The following RNF141 variants were observed in gnomAD, a reference collection of about 807,000 sequenced individuals.
RNF141 encodes C3HC4-like zinc finger protein.
In RNF141, 18 loss-of-function variants were observed where a neutral mutation model predicts 27.4. The ratio of observed to expected loss-of-function variants is 0.66; its 90% CI spans 0.45 to 0.97. RNF141 has a LOEUF of 0.97. Ranked by LOEUF, RNF141 falls within the 50% of genes least tolerant of loss-of-function variation. The probability of loss-of-function intolerance (pLI) is 0.00; values close to 1 mark genes in which losing one functional copy is unlikely to be tolerated. For missense variants in RNF141, 230 were observed against 279.4 expected, an observed-to-expected ratio of 0.82 and a Z score of 1.26; for synonymous variants, 97 against 96.6, an observed-to-expected ratio of 1.00 and a Z score of -0.02.
At chr11:10,533,283 T>C (rs1459468972) in intron 2 of RNF141, among the ~76,000 whole-genome samples, 2 of 152,168 alleles carry the variant, frequency 1.3e-5, no homozygotes, top group Non-Finnish European at 2.9e-5. Context: ...TATATTTTCA[T>C]AGCTTCTACA....
At chr11:10,516,510 C>T (rs1849844194) in intron 5 of RNF141, 1 of 152,234 alleles carries the variant, frequency 6.6e-6, no homozygotes, top group Admixed American at 6.5e-5. Context: ...CTTGGGGGGC[C>T]AAACAGCTAG....
chr11:10,525,599 T>G (rs931968899), intron 3 of RNF141, among the ~76,000 whole-genome samples: 4 of 152,168 alleles, frequency 2.6e-5, no homozygotes, highest in African/African-American at 4.8e-5. Context: ...ACACACAAAA[T>G]CACCCTGTAA....
intron 4 of RNF141, 66 bp from the exon 5 acceptor site, chr11:10,519,207 C>T: frequency 1.4e-6 from 2 of 1,414,314 alleles, no homozygotes; most frequent in Non-Finnish European, 9.8e-7. Context: ...CTTTTTGTTG[C>T]TTTAAAAAGC....
At chr11:10,527,313 A>C (rs1849944231) in intron 3 of RNF141, among the ~76,000 whole-genome samples, 1 of 152,230 alleles carries the variant, frequency 6.6e-6, no homozygotes, top group African/African-American at 2.4e-5. Context: ...GGAGAAGATG[A>C]AACAGGGGAG....
At chr11:10,532,585 G>A (rs1461073811) in intron 2 of RNF141, among the ~76,000 whole-genome samples, 3 of 151,068 alleles carry the variant, frequency 2.0e-5, no homozygotes, top group African/African-American at 7.3e-5. Flanking sequence ...TTGTTTTAAT[G>A]AATGAAATCC....
intron 1 of RNF141, among the ~76,000 whole-genome samples, chr11:10,535,972 C>A (rs1850031344): frequency 6.6e-6 from 1 of 152,130 alleles, no homozygotes; most frequent in South Asian, 2.1e-4. Flanking sequence ...GTGCCTGGTG[C>A]TTATGTTCTG....
intron 4 of RNF141, among the ~76,000 whole-genome samples, chr11:10,521,870 G>C (rs1397992062): frequency 6.6e-6 from 1 of 152,196 alleles, no homozygotes; most frequent in Non-Finnish European, 1.5e-5. Flanking sequence ...ATAAAGTGGA[G>C]ATAATCTCAT....
At chr11:10,522,244 A>T (rs1849893510) in intron 4 of RNF141, among the ~76,000 whole-genome samples, 1 of 152,246 alleles carries the variant, frequency 6.6e-6, no homozygotes, top group African/African-American at 2.4e-5. Flanking sequence ...AGAGAATATA[A>T]CTGAATCTGT....
At position 10,514,896 on chromosome 11, in the gene RNF141, A is replaced by C. The variant is rs1849831351; in HGVS notation, c.*20T>G. 1 of 1,596,348 alleles carries C rather than the reference A, an allele frequency of 6.3e-7. No homozygotes were observed. The highest frequency in any genetic ancestry group is 1.7e-5 in the Admixed American group (1 of 57,354). ...AAATATTTGAGCCCACAATAGCAAC[A>C]GAAGACTTTCACTTCAAGGTCATGG... On this transcript the variant is annotated 3_prime_UTR_variant, in exon 6 of 6. Transcript: ENST00000265981.
intron 5 of RNF141, chr11:10,516,201 C>A (rs1214220172): frequency 6.6e-6 from 1 of 152,206 alleles, no homozygotes; most frequent in Non-Finnish European, 1.5e-5. Flanking sequence ...TATATGTATG[C>A]TCTTCTGTGC....
At position 10,512,767 on chromosome 11, in the gene RNF141, T is replaced by A. The variant is rs781425424; in HGVS notation, c.*2149A>T. Reference sequence around the variant, plus strand: ...ATTTGACTTGAATTTAATTAAAAAATTTTTTTAAAAAAAACGACTCCCACT... The same window carrying A: ...ATTTGACTTGAATTTAATTAAAAAAATTTTTTAAAAAAAACGACTCCCACT... On this transcript the variant is annotated 3_prime_UTR_variant, in exon 6 of 6. Coordinates refer to ENST00000265981, the MANE Select transcript of RNF141 (RefSeq NM_016422.4). The A allele has an allele frequency of 2.1e-4, 32 of 152,108 alleles. No individual in the cohort carries two copies. Among genetic ancestry groups the A allele is most frequent in the Middle Eastern group, 3.4e-3 (1 of 294 alleles). The allele number at this position is 152,108 out of a possible 1,614,324, so 9.4% of individuals were successfully genotyped here.
chr11:10,535,380 G>T (rs1850025255), intron 1 of RNF141, among the ~76,000 whole-genome samples: 1 of 143,936 alleles, frequency 6.9e-6, no homozygotes. Flanking sequence ...AAAAACAACA[G>T]TTTTGAATCT....
intron 2 of RNF141, 63 bp downstream of exon 2, chr11:10,533,953 C>T (rs1850011377): frequency 2.7e-6 from 4 of 1,467,602 alleles, no homozygotes; most frequent in Non-Finnish European, 3.7e-6. Flanking sequence ...CTTACACAGC[C>T]ATGACATATG....
rs149934936 is a variant in RNF141, at chr11:10,523,399, T to C, written c.434+1793A>G. On this transcript the variant is annotated intron_variant, in intron 4 of 5. Coordinates refer to ENST00000265981, the MANE Select transcript of RNF141 (RefSeq NM_016422.4). Reference sequence around the variant, plus strand: ...TAAATCTCAGATTCTTTGGCTGAAATGGGCCGATAATTGTACTCCCATATG... The same window carrying C: ...TAAATCTCAGATTCTTTGGCTGAAACGGGCCGATAATTGTACTCCCATATG... Among the ~76,000 whole-genome samples, 265 of 152,362 alleles carry C rather than the reference T, an allele frequency of 1.7e-3. 1 individual carries two copies. The highest frequency in any genetic ancestry group is 6.0e-3 in the African/African-American group (250 of 41,584).
intron 3 of RNF141, 146 bp downstream of exon 3, chr11:10,530,497 G>A (rs1038720589): frequency 1.4e-5 from 6 of 435,740 alleles, no homozygotes; most frequent in African/African-American, 6.1e-5. Context: ...CAGCTAGTTA[G>A]AAGGCAATAA....
intron 1 of RNF141, among the ~76,000 whole-genome samples, chr11:10,534,806 A>G (rs1850019969): frequency 6.6e-6 from 1 of 152,140 alleles, no homozygotes; most frequent in Admixed American, 6.5e-5. Context: ...ACTGGCTCAC[A>G]ATATATTTAC....
At chr11:10,538,935 CAA>C (rs1204686954) in intron 1 of RNF141, among the ~76,000 whole-genome samples, 1 of 152,158 alleles carries the variant, frequency 6.6e-6, no homozygotes, top group African/African-American at 2.4e-5. Context: ...CAGAATTCAA[CAA>C]AAGATGAATT....
At chr11:10,536,983 A>G (rs1201293717) in intron 1 of RNF141, among the ~76,000 whole-genome samples, 1 of 152,256 alleles carries the variant, frequency 6.6e-6, no homozygotes, top group Non-Finnish European at 1.5e-5. Flanking sequence ...GGGCATAGAA[A>G]AAAAAAGAGG....
Position 10,530,645 on chromosome 11 carries a change from T to C in RNF141, c.250A>G (p.Lys84Glu), listed in dbSNP as rs1483678603. The C allele has an allele frequency of 1.3e-6, 2 of 1,590,064 alleles. No homozygotes were observed. Among genetic ancestry groups the C allele is most frequent in the African/African-American group, 2.7e-5 (2 of 74,270 alleles). ...GTAGAAGTCTCCATCAGTCTCACCT[T>C]GGTACAGACCACCCGTACAACCACT... ...WKVVVRVVCT[K>E]INKSSGIVEA... The change falls in exon 3 of 6, where the codon AAG becomes GAG. Residue 84 changes from lysine (K) to glutamate (E), a missense_variant and splice_region_variant. Transcript: ENST00000265981.
Sources: allele counts gnomAD v4.1 joint callset (sites outside exome capture counted in the v4.1 genomes callset), GRCh38; gene constraint gnomAD v4.1.1; transcripts MANE v1.5; gene names NCBI Gene and HGNC (gene_info 2026-07-23, HGNC 2026-07-21).